ARHGAP6: variants seen among roughly 807,000 people sequenced by gnomAD.
ARHGAP6 encodes Rho GTPase activating protein 6, also known as rho GTPase-activating protein 6.
In ARHGAP6, 16 loss-of-function variants were observed where a neutral mutation model predicts 55.7. The ratio of observed to expected loss-of-function variants is 0.29; its 90% confidence interval spans 0.19 to 0.44. The LOEUF (loss-of-function observed/expected upper bound fraction) is 0.44, where lower values mean the gene tolerates loss of function less well. Ranked by LOEUF, ARHGAP6 falls within the 20% of genes least tolerant of loss-of-function variation. ARHGAP6 has a pLI of 1.00. For synonymous variants in ARHGAP6, 382 were observed against 360.9 expected, an observed-to-expected ratio of 1.06 and a Z score of -0.66; for missense variants, 698 against 808.9, an observed-to-expected ratio of 0.86 and a Z score of 1.66.
Position 11,188,756 on chromosome X carries a change from G to C in ARHGAP6, c.1049C>G (p.Pro350Arg). ...CCTCCTAGCCCGAGGAGCCGGTTCC[G>C]GGGTGTTTGGGGACGTTGACTCATT... ...TPNESTSPNT[P>R]EPAPRARRRG... is the part of the protein sequence containing the mutation. Residue 350 changes from proline (P) to arginine (R), a missense_variant, in exon 4 of 13, where the codon CCG becomes CGG. Coordinates refer to ENST00000337414, the MANE Select transcript of ARHGAP6 (RefSeq NM_013427.3). 1 of 1,211,702 alleles carries C rather than the reference G, an allele frequency of 8.3e-7. No individual in the cohort carries two copies. Among genetic ancestry groups the C allele is most frequent in the Non-Finnish European group, 1.1e-6 (1 of 895,385 alleles).
intron 1 of ARHGAP6, among the ~76,000 whole-genome samples, chrX:11,630,962 A>G (rs1317953413): frequency 2.7e-5 from 3 of 110,915 alleles, no homozygotes; most frequent in East Asian, 2.9e-4. Context: ...TGGAGTAACA[A>G]TGAAAGCGGC....
intron 1 of ARHGAP6, among the ~76,000 whole-genome samples, chrX:11,365,371 A>G (rs1486886408): frequency 1.8e-5 from 2 of 112,073 alleles, no homozygotes; most frequent in African/African-American, 6.5e-5. Context: ...CTTGCAGACA[A>G]ATGTCTTCAA....
At chrX:11,608,773 C>T (rs569220477) in intron 1 of ARHGAP6, among the ~76,000 whole-genome samples, 2 of 111,947 alleles carry the variant, frequency 1.8e-5, no homozygotes, top group South Asian at 7.5e-4. Context: ...GCTTTTGCAT[C>T]TTCCTCATTT....
Position 11,374,148 on chromosome X carries a change from G to A in ARHGAP6, c.589-119441C>T, listed in dbSNP as rs775753589. On this transcript the variant is annotated intron_variant, in intron 1 of 12. Coordinates refer to ENST00000337414, the MANE Select transcript of ARHGAP6 (RefSeq NM_013427.3). ...CTTCCTCCTTCACAGAAGCACTATG[G>A]CCTAGCTACCCTCTCCGTGGTAGTA... is the stretch of plus-strand genomic sequence containing the variant. 1.7e-4 allele frequency among the ~76,000 whole-genome samples: 19 copies of A among 111,726 alleles called. No homozygotes were observed. The South Asian group carries it at 2.3e-3, about 13-fold the overall frequency.
chrX:11,150,357 C>T (rs377559699), intron 10 of ARHGAP6, among the ~76,000 whole-genome samples: 3 of 111,064 alleles, frequency 2.7e-5, no homozygotes, highest in Non-Finnish European at 3.8e-5. Context: ...ATCCCTTATG[C>T]GGAACTTAGG....
At position 11,611,923 on chromosome X, in the gene ARHGAP6, CAA is replaced by C. The variant is rs5901449; in HGVS notation, c.588+52316_588+52317del. 9.9e-3 allele frequency among the ~76,000 whole-genome samples: 774 copies of C among 78,159 alleles called. 4 individuals are homozygous for C. The highest frequency in any genetic ancestry group is 0.019 in the Middle Eastern group (3 of 157). 67.9% of individuals were successfully genotyped at this position (78,159 alleles called of 115,157 possible). A position where few individuals can be genotyped will look rare whatever the true frequency, so the allele number is the denominator to read the frequency against. ...GGCACACCCTGGGGACAGAAAAGTA[CAA>C]AAAAAAAAAAGCCCTCAAAGAATTT... On this transcript the variant is annotated intron_variant, in intron 1 of 12. Coordinates refer to ENST00000337414, the MANE Select transcript of ARHGAP6 (RefSeq NM_013427.3).
chrX:11,539,324 T>C (rs1017367117), intron 1 of ARHGAP6, among the ~76,000 whole-genome samples: 1 of 112,358 alleles, frequency 8.9e-6, no homozygotes, highest in Admixed American at 9.4e-5. Flanking sequence ...CATTCAACTG[T>C]CTGAGAAATG....
intron 1 of ARHGAP6, chrX:11,299,032 G>A (rs930038389): frequency 8.7e-7 from 1 of 1,154,022 alleles, no homozygotes; most frequent in Non-Finnish European, 1.2e-6. Flanking sequence ...CAGCAAAATA[G>A]GCCCCAGAGT....
chrX:11,613,000 T>C (rs2052120361), intron 1 of ARHGAP6, among the ~76,000 whole-genome samples: 1 of 112,967 alleles, frequency 8.9e-6, no homozygotes, highest in Admixed American at 9.3e-5. Flanking sequence ...TGAAATTGAA[T>C]GGTTTATTCT....
At chrX:11,218,517 G>A (rs1379684849) in intron 2 of ARHGAP6, among the ~76,000 whole-genome samples, 1 of 111,237 alleles carries the variant, frequency 9.0e-6, no homozygotes, top group Non-Finnish European at 1.9e-5. Flanking sequence ...CTGTTGTTCG[G>A]AATAGTTTCA....
chrX:11,168,520 G>GTAAT (rs2046046348), intron 9 of ARHGAP6, among the ~76,000 whole-genome samples: 1 of 112,009 alleles, frequency 8.9e-6, no homozygotes, highest in Admixed American at 9.5e-5. Context: ...TTTACAAAAA[G>GTAAT]TAATTAGTAT....
chrX:11,567,866 C>A (rs2051463979), intron 1 of ARHGAP6, among the ~76,000 whole-genome samples: 1 of 110,284 alleles, frequency 9.1e-6, no homozygotes, highest in Non-Finnish European at 1.9e-5. Context: ...ATTGTAGATA[C>A]AGGATCTAGC....
At chrX:11,604,391 T>C (rs1426956361) in intron 1 of ARHGAP6, among the ~76,000 whole-genome samples, 2 of 111,512 alleles carry the variant, frequency 1.8e-5, no homozygotes, top group African/African-American at 6.5e-5. Context: ...ATTTAGTCAC[T>C]GAGTTTATCA....
chrX:11,566,492 T>C (rs1390361124), intron 1 of ARHGAP6, among the ~76,000 whole-genome samples: 1 of 112,102 alleles, frequency 8.9e-6, no homozygotes, highest in Non-Finnish European at 1.9e-5. Context: ...GAATTGCTGA[T>C]CACATGAATA....
At chrX:11,423,079 G>C (rs1360487925) in intron 1 of ARHGAP6, among the ~76,000 whole-genome samples, 1 of 112,483 alleles carries the variant, frequency 8.9e-6, no homozygotes, top group African/African-American at 3.2e-5. Context: ...TTGCTTTTAT[G>C]AGGAGACAAA....
intron 2 of ARHGAP6, among the ~76,000 whole-genome samples, chrX:11,233,881 A>T (rs1288997064): frequency 8.9e-6 from 1 of 112,385 alleles, no homozygotes; most frequent in Non-Finnish European, 1.9e-5. Flanking sequence ...AAGACACACA[A>T]ATCTCACATA....
chrX:11,345,269 C>A (rs1342463973), intron 1 of ARHGAP6, among the ~76,000 whole-genome samples: 2 of 111,816 alleles, frequency 1.8e-5, no homozygotes, highest in Non-Finnish European at 3.8e-5. Context: ...ATTCTTTTGC[C>A]TCTCAATAAC....
chrX:11,271,424 A>G (rs1415380580), intron 1 of ARHGAP6, among the ~76,000 whole-genome samples: 2 of 112,041 alleles, frequency 1.8e-5, no homozygotes, highest in Non-Finnish European at 3.8e-5. Context: ...TTTCAATGCT[A>G]TATTTGGTGA....
At chrX:11,658,447 T>G (rs1235588559) in intron 1 of ARHGAP6, among the ~76,000 whole-genome samples, 1 of 111,480 alleles carries the variant, frequency 9.0e-6, no homozygotes, top group Non-Finnish European at 1.9e-5. Context: ...ACAAAAATCC[T>G]TGTAAAACAC....
Sources: gnomAD v4.1 joint callset for allele counts (sites outside exome capture counted in the v4.1 genomes callset) on GRCh38, gnomAD v4.1.1 for gene constraint, MANE v1.5 for transcripts, NCBI Gene and HGNC (gene_info 2026-07-23, HGNC 2026-07-21) for gene names.